Variants in NRXN1 observed in about 807,000 individuals in gnomAD.
NRXN1 encodes the protein neurexin-1.
Under a neutral mutation model 150.9 loss-of-function variants are expected in NRXN1, and 39 were observed. The ratio of observed to expected loss-of-function variants is 0.26; its 90% CI spans 0.20 to 0.34. NRXN1 has a LOEUF of 0.34. NRXN1 is among the 10% of genes least tolerant of loss of function. The pLI, the probability that NRXN1 is intolerant of heterozygous loss-of-function variation, is 1.00. For synonymous variants in NRXN1, 924 were observed against 757.0 expected, an observed-to-expected ratio of 1.22 and a Z score of -3.62; for missense variants, 1,815 against 1,949.9, an observed-to-expected ratio of 0.93 and a Z score of 1.30.
At chr2:50,809,536 T>C (rs113923999) in intron 5 of NRXN1, among the ~76,000 whole-genome samples, 5 of 152,136 alleles carry the variant, frequency 3.3e-5, no homozygotes, top group Non-Finnish European at 7.4e-5. Context: ...TTCATAATTA[T>C]GTAGAGCAGA....
chr2:50,367,187 T>C (rs114083787), intron 17 of NRXN1, among the ~76,000 whole-genome samples: 261 of 152,076 alleles, frequency 1.7e-3, no homozygotes, highest in African/African-American at 6.1e-3. Flanking sequence ...GCTATCCTCG[T>C]CTCTTGAACA....
intron 5 of NRXN1, among the ~76,000 whole-genome samples, chr2:50,705,141 T>A (rs986327150): frequency 1.3e-5 from 2 of 151,882 alleles, no homozygotes; most frequent in Non-Finnish European, 2.9e-5. Flanking sequence ...AATTAATAAT[T>A]ATCTAGTTTG....
chr2:50,895,384 G>GT (rs1362977287), intron 5 of NRXN1, among the ~76,000 whole-genome samples: 1 of 152,062 alleles, frequency 6.6e-6, no homozygotes, highest in Non-Finnish European at 1.5e-5. Flanking sequence ...AAAAAAGGCA[G>GT]TAACTAGTCA....
At position 50,497,669 on chromosome 2, in the gene NRXN1, T is replaced by C. The variant is rs1470826388; in HGVS notation, c.2543A>G (p.Glu848Gly). 6.2e-7 allele frequency: 1 copy of C among 1,613,738 alleles called. No individual in the cohort carries two copies. Among genetic ancestry groups the C allele is most frequent in the African/African-American group, 1.3e-5 (1 of 74,926 alleles). Residue 848 changes from glutamate to glycine, a missense_variant, in exon 14 of 23, where the codon GAG becomes GGG. Coordinates refer to ENST00000401669, the MANE Select transcript of NRXN1 (RefSeq NM_001330078.2). The stretch of plus-strand genomic sequence containing the variant: ...CCGTCGTTCTGTGATGATGCCAGTC[T>C]CTATGTTATGGAACTCCAGCCTAGT... ...DHTRLEFHNI[E>G]TGIITERRYL... is the part of the protein sequence containing the mutation.
intron 17 of NRXN1, among the ~76,000 whole-genome samples, chr2:50,315,451 C>T (rs1303648902): frequency 6.6e-6 from 1 of 152,128 alleles, no homozygotes; most frequent in African/African-American, 2.4e-5. Flanking sequence ...ATCAGCAGCA[C>T]TTCAATCATG....
chr2:50,129,435 G>A (rs1314054091), intron 18 of NRXN1, among the ~76,000 whole-genome samples: 2 of 152,076 alleles, frequency 1.3e-5, no homozygotes, highest in Non-Finnish European at 2.9e-5. Context: ...TCTCCACATG[G>A]AAAATAAATT....
intron 17 of NRXN1, among the ~76,000 whole-genome samples, chr2:50,463,651 T>C (rs111496781): frequency 1.4e-3 from 207 of 151,952 alleles, no homozygotes; most frequent in African/African-American, 4.5e-3. Context: ...ATGATACTTA[T>C]GGTTGTATCT....
chr2:50,476,075 A>G (rs547760574), intron 15 of NRXN1, among the ~76,000 whole-genome samples: 1 of 152,230 alleles, frequency 6.6e-6, no homozygotes, highest in East Asian at 1.9e-4. Flanking sequence ...CATATGTTTT[A>G]AGGACCATGT....
intron 8 of NRXN1, among the ~76,000 whole-genome samples, chr2:50,611,361 A>G (rs1678096143): frequency 6.6e-6 from 1 of 152,178 alleles, no homozygotes; most frequent in Non-Finnish European, 1.5e-5. Flanking sequence ...GCATCTGCTG[A>G]AAATGATGGG....
At chr2:50,281,948 A>T (rs2678215) in intron 17 of NRXN1, among the ~76,000 whole-genome samples, 80,294 of 151,978 alleles carry the variant, frequency 0.53, 21,451 homozygotes, top group Middle Eastern at 0.56. Flanking sequence ...TCTTGAGAAA[A>T]AATTTTATTA....
intron 18 of NRXN1, among the ~76,000 whole-genome samples, chr2:50,160,641 T>TA (rs1200430355): frequency 6.6e-6 from 1 of 152,050 alleles, no homozygotes; most frequent in East Asian, 1.9e-4. Flanking sequence ...CACACCTAAA[T>TA]ATACCTTAAA....
chr2:50,093,664 A>G (rs891075603), intron 18 of NRXN1, among the ~76,000 whole-genome samples: 1 of 152,038 alleles, frequency 6.6e-6, no homozygotes, highest in African/African-American at 2.4e-5. Context: ...AAATTACCCT[A>G]TCTACATGGA....
intron 17 of NRXN1, among the ~76,000 whole-genome samples, chr2:50,321,189 G>A (rs2076014138): frequency 6.6e-6 from 1 of 152,158 alleles, no homozygotes; most frequent in Non-Finnish European, 1.5e-5. Context: ...AGATAGCACA[G>A]TATGCAGAAA....
At chr2:50,067,228 T>G (rs888208248) in intron 19 of NRXN1, among the ~76,000 whole-genome samples, 2 of 152,232 alleles carry the variant, frequency 1.3e-5, no homozygotes, top group African/African-American at 4.8e-5. Flanking sequence ...CATGTCTAAC[T>G]AGCTTAAGTA....
chr2:50,380,945 C>T (rs1230728327), intron 17 of NRXN1, among the ~76,000 whole-genome samples: 1 of 152,156 alleles, frequency 6.6e-6, no homozygotes, highest in Non-Finnish European at 1.5e-5. Flanking sequence ...ATCATTCTCT[C>T]ATGTGGGCCA....
chr2:50,034,280 G>A (rs1377039590), intron 21 of NRXN1, among the ~76,000 whole-genome samples: 1 of 151,964 alleles, frequency 6.6e-6, no homozygotes, highest in Non-Finnish European at 1.5e-5. Context: ...AAGAAATTGT[G>A]GTATATGTAC....
intron 21 of NRXN1, among the ~76,000 whole-genome samples, chr2:49,945,699 C>T (rs1672768958): frequency 1.3e-5 from 2 of 152,030 alleles, no homozygotes; most frequent in South Asian, 4.2e-4. Context: ...CATCCATGTC[C>T]CTACAAGGGA....
At chr2:50,829,101 T>G (rs13027736) in intron 5 of NRXN1, among the ~76,000 whole-genome samples, 1 of 151,722 alleles carries the variant, frequency 6.6e-6, no homozygotes, top group Non-Finnish European at 1.5e-5. Flanking sequence ...TGGTGGCACG[T>G]GCCTGCAATC....
chr2:50,318,904 A>T (rs2075815156), intron 17 of NRXN1, among the ~76,000 whole-genome samples: 1 of 152,134 alleles, frequency 6.6e-6, no homozygotes, highest in Non-Finnish European at 1.5e-5. Context: ...TTCAATTTTT[A>T]ATTACATTTT....
Sources: allele counts gnomAD v4.1 joint callset (sites outside exome capture counted in the v4.1 genomes callset), GRCh38; gene constraint gnomAD v4.1.1; transcripts MANE v1.5; gene names NCBI Gene and HGNC (gene_info 2026-07-23, HGNC 2026-07-21).